Variants in AK6 observed in about 807,000 individuals in gnomAD.
The protein encoded by AK6 is adenylate kinase isoenzyme 6.
Under a neutral mutation model 23.7 loss-of-function variants are expected in AK6, and 24 were observed. The observed-to-expected ratio is 1.01, with a 90% CI of 0.73 to 1.43. AK6 has a LOEUF of 1.43. AK6 is among the 40% of genes most tolerant of loss of function. The pLI is 0.00. For missense variants in AK6, 191 were observed against 199.1 expected (o/e 0.96, Z 0.24); for synonymous variants, 73 against 69.8 (o/e 1.05, Z -0.23).
chr5:69,366,697 T>G, intron 1 of AK6, 102 bp from the exon 2 acceptor site: 1 of 833,912 alleles, frequency 1.2e-6, no homozygotes, highest in Non-Finnish European at 2.0e-6. Flanking sequence ...GAGTCTCACC[T>G]GGCCTCTGCC....
chr5:69,365,632 TAAC>T (rs1762388770), intron 2 of AK6: 1 of 1,614,006 alleles, frequency 6.2e-7, no homozygotes, highest in Non-Finnish European at 8.5e-7. Context: ...ATCTGATTTA[TAAC>T]TCTTGGCTCA....
intron 2 of AK6, chr5:69,365,846 C>T: frequency 1.1e-6 from 1 of 914,978 alleles, no homozygotes; most frequent in Non-Finnish European, 1.5e-6. Context: ...AATTTTAAAT[C>T]TATGTTAAAC....
intron 2 of AK6, chr5:69,365,137 C>T (rs540368237): frequency 5.0e-6 from 8 of 1,614,160 alleles, no homozygotes; most frequent in Middle Eastern, 1.6e-4. Flanking sequence ...GGAATTGAAG[C>T]TTTTACAGCT....
intron 2 of AK6, among the ~76,000 whole-genome samples, chr5:69,357,420 A>C (rs1012248181): frequency 1.3e-5 from 2 of 152,238 alleles, no homozygotes; most frequent in African/African-American, 4.8e-5. Flanking sequence ...TGGAGCTATA[A>C]AGGAATGATT....
At chr5:69,355,007 T>C (rs1762045090) in intron 4 of AK6, among the ~76,000 whole-genome samples, 2 of 151,978 alleles carry the variant, frequency 1.3e-5, no homozygotes, top group Admixed American at 1.3e-4. Flanking sequence ...TTTTTTGCAT[T>C]TTTAGTAGTG....
At chr5:69,353,631 T>G (rs956186106) in intron 4 of AK6, among the ~76,000 whole-genome samples, 1 of 152,162 alleles carries the variant, frequency 6.6e-6, no homozygotes, top group Non-Finnish European at 1.5e-5. Context: ...GTAATGATTG[T>G]ACAACTTTTT....
intron 2 of AK6, among the ~76,000 whole-genome samples, chr5:69,356,817 A>T (rs1467852275): frequency 6.6e-6 from 1 of 152,192 alleles, no homozygotes; most frequent in Non-Finnish European, 1.5e-5. Context: ...CGTTCCTCAT[A>T]AGAGTTAAAT....
intron 2 of AK6, among the ~76,000 whole-genome samples, chr5:69,364,448 G>A (rs554379470): frequency 6.6e-6 from 1 of 152,150 alleles, no homozygotes; most frequent in Admixed American, 6.5e-5. Context: ...GGGCAATTGA[G>A]GAAGATAATC....
chr5:69,353,455 G>A (rs1762002136), intron 4 of AK6, among the ~76,000 whole-genome samples: 1 of 151,266 alleles, frequency 6.6e-6, no homozygotes, highest in Non-Finnish European at 1.5e-5. Context: ...AAGCCACCAC[G>A]CCCAGCTAAT....
At chr5:69,354,491 G>C (rs1160506946) in intron 4 of AK6, among the ~76,000 whole-genome samples, 1 of 152,140 alleles carries the variant, frequency 6.6e-6, no homozygotes, top group East Asian at 1.9e-4. Context: ...CAAAATTCTG[G>C]AGCTTTCCTT....
intron 4 of AK6, among the ~76,000 whole-genome samples, chr5:69,354,781 T>A (rs1025636713): frequency 6.6e-6 from 1 of 152,228 alleles, no homozygotes; most frequent in African/African-American, 2.4e-5. Flanking sequence ...GCTTGGCTGT[T>A]TTCCTAGCAA....
intron 1 of AK6, 178 bp from the exon 2 acceptor site, chr5:69,366,773 T>A (rs1461648870): frequency 3.4e-6 from 2 of 591,176 alleles, no homozygotes; most frequent in Non-Finnish European, 6.0e-6. Context: ...AAATTTTTTT[T>A]TTGAGACAGA....
intron 2 of AK6, chr5:69,365,503 C>T (rs374084798): frequency 6.1e-5 from 98 of 1,613,714 alleles, no homozygotes; most frequent in Middle Eastern, 1.6e-4. Context: ...GACTGATCAG[C>T]GCGGCACTGG....
chr5:69,369,417 C>T (rs959953829), intron 1 of AK6, 46 bp downstream of exon 1: 2 of 1,601,416 alleles, frequency 1.2e-6, no homozygotes, highest in Non-Finnish European at 1.7e-6. Flanking sequence ...GCACTCTGCG[C>T]CCCCAGCCTG....
intron 4 of AK6, among the ~76,000 whole-genome samples, chr5:69,352,539 T>C (rs1458176867): frequency 3.3e-5 from 5 of 152,016 alleles, no homozygotes; most frequent in African/African-American, 4.8e-5. Flanking sequence ...TAGCAAAATC[T>C]CATAACTTAG....
intron 4 of AK6, among the ~76,000 whole-genome samples, chr5:69,353,390 C>T (rs771219291): frequency 2.0e-5 from 3 of 151,212 alleles, no homozygotes; most frequent in African/African-American, 7.3e-5. Context: ...CTCCACCTTC[C>T]GGGTTCAAGC....
At chr5:69,359,655 A>G (rs1339224630) in intron 2 of AK6, among the ~76,000 whole-genome samples, 1 of 152,200 alleles carries the variant, frequency 6.6e-6, no homozygotes. Context: ...TAGAACTTAT[A>G]TACACTCAAG....
At chr5:69,365,437 G>C in intron 2 of AK6, 2 of 1,614,206 alleles carry the variant, frequency 1.2e-6, no homozygotes, top group South Asian at 1.1e-5. Context: ...AAAGGGGTTT[G>C]ATTTCTTTGC....
intron 2 of AK6, among the ~76,000 whole-genome samples, chr5:69,361,961 T>C (rs538833362): frequency 2.0e-5 from 3 of 147,346 alleles, no homozygotes; most frequent in Non-Finnish European, 3.0e-5. Flanking sequence ...TTTCTTAAAC[T>C]TGATTCCCTT....
Sources: allele counts gnomAD v4.1 joint callset (sites outside exome capture counted in the v4.1 genomes callset), GRCh38; gene constraint gnomAD v4.1.1; transcripts MANE v1.5; gene names NCBI Gene and HGNC (gene_info 2026-07-23, HGNC 2026-07-21).